CLIC5: variants seen among roughly 807,000 people sequenced by gnomAD.
CLIC5 encodes chloride intracellular channel protein 5.
A neutral mutation model predicts 24.7 loss-of-function variants in CLIC5; 20 were observed. That is an observed-to-expected ratio of 0.81 (90% CI 0.57 to 1.18). The LOEUF is 1.18. CLIC5 is among the 50% of genes most tolerant of loss of function. The probability of loss-of-function intolerance (pLI) is 0.00; values close to 1 mark genes in which losing one functional copy is unlikely to be tolerated. For synonymous variants in CLIC5, 159 were observed against 135.6 expected (o/e 1.17, Z -1.20); for missense variants, 341 against 326.1 (o/e 1.05, Z -0.35).
chr6:45,897,990 T>C (rs6458476), downstream of CLIC5, among the ~76,000 whole-genome samples: 16,666 of 151,764 alleles, frequency 0.11, 1,540 homozygotes, highest in African/African-American at 0.25. Flanking sequence ...AAAAAATTGG[T>C]TTTAGGATGG....
chr6:45,895,010 T>C (rs1462283026), downstream of CLIC5, among the ~76,000 whole-genome samples: 1 of 152,126 alleles, frequency 6.6e-6, no homozygotes. Context: ...TTCAGTTCTC[T>C]TTTTGTTAAA....
At chr6:46,057,330 C>T (rs1768286987) in intron 1 of CLIC5, among the ~76,000 whole-genome samples, 2 of 152,188 alleles carry the variant, frequency 1.3e-5, no homozygotes, top group Non-Finnish European at 2.9e-5. Context: ...TCAGGAATTT[C>T]TGCTTTTGCT....
chr6:46,005,667 G>C (rs1221351230), intron 1 of CLIC5, among the ~76,000 whole-genome samples: 1 of 152,064 alleles, frequency 6.6e-6, no homozygotes, highest in Non-Finnish European at 1.5e-5. Context: ...TCATCTCTGA[G>C]GTGTTGGCAT....
At chr6:45,992,744 C>T (rs1765986779) in intron 1 of CLIC5, among the ~76,000 whole-genome samples, 1 of 152,138 alleles carries the variant, frequency 6.6e-6, no homozygotes, top group South Asian at 2.1e-4. Context: ...CCTAATCACC[C>T]CTTATATAGA....
intron 4 of CLIC5, among the ~76,000 whole-genome samples, chr6:45,918,252 G>T (rs146100826): frequency 6.6e-6 from 1 of 152,174 alleles, no homozygotes; most frequent in African/African-American, 2.4e-5. Context: ...ATTCATTGAG[G>T]TTGATATTAC....
intron 3 of CLIC5, among the ~76,000 whole-genome samples, chr6:45,947,948 A>G (rs1037367969): frequency 1.3e-5 from 2 of 152,202 alleles, no homozygotes; most frequent in African/African-American, 4.8e-5. Flanking sequence ...GACAAAGAAT[A>G]TTTTTAAGGA....
intron 1 of CLIC5, among the ~76,000 whole-genome samples, chr6:46,003,812 C>A (rs370952754): frequency 6.6e-6 from 1 of 152,280 alleles, no homozygotes; most frequent in East Asian, 1.9e-4. Context: ...TTGGAAAATG[C>A]CCCAGGTGGT....
At chr6:46,010,940 C>T (rs1766785733) in intron 1 of CLIC5, among the ~76,000 whole-genome samples, 1 of 152,188 alleles carries the variant, frequency 6.6e-6, no homozygotes, top group African/African-American at 2.4e-5. Context: ...GGTGACCAGG[C>T]AGTCACAGTA....
At chr6:45,989,558 C>T (rs372430066) in intron 1 of CLIC5, among the ~76,000 whole-genome samples, 3 of 152,238 alleles carry the variant, frequency 2.0e-5, no homozygotes, top group East Asian at 1.9e-4. Context: ...GTACTCATGA[C>T]GTTAATAAGC....
chr6:45,916,783 T>C (rs190296490), intron 4 of CLIC5, among the ~76,000 whole-genome samples: 1 of 152,212 alleles, frequency 6.6e-6, no homozygotes, highest in African/African-American at 2.4e-5. Flanking sequence ...GGAATCATTG[T>C]TGATTCATGT....
intron 1 of CLIC5, among the ~76,000 whole-genome samples, chr6:45,963,141 T>A (rs1581797082): frequency 6.6e-6 from 1 of 152,218 alleles, no homozygotes; most frequent in East Asian, 1.9e-4. Context: ...ACTTCTGAAA[T>A]TGTTGTCTTT....
At chr6:46,099,472 T>C in the CLIC5 span, among the ~76,000 whole-genome samples, 4 of 152,196 alleles carry the variant, frequency 2.6e-5, no homozygotes, top group African/African-American at 9.7e-5. Context: ...GATGTATTTG[T>C]ACTGGAAAAA....
chr6:45,987,756 T>A (rs775526976), intron 1 of CLIC5, among the ~76,000 whole-genome samples: 16 of 152,124 alleles, frequency 1.1e-4, no homozygotes, highest in Non-Finnish European at 1.5e-4. Flanking sequence ...AGAGAGAATA[T>A]CTCTCTTCCT....
chr6:45,966,245 G>T (rs1581800518), intron 1 of CLIC5, among the ~76,000 whole-genome samples: 1 of 152,126 alleles, frequency 6.6e-6, no homozygotes, highest in South Asian at 2.1e-4. Flanking sequence ...TATGAAAAAA[G>T]TTTTTGCAAA....
intron 1 of CLIC5, among the ~76,000 whole-genome samples, chr6:46,037,617 T>A (rs1767698820): frequency 6.6e-6 from 1 of 152,188 alleles, no homozygotes; most frequent in African/African-American, 2.4e-5. Context: ...TGGGTAAAAT[T>A]TTTATGTGTT....
intron 1 of CLIC5, among the ~76,000 whole-genome samples, chr6:46,028,740 C>T (rs534195574): frequency 2.0e-5 from 3 of 152,268 alleles, no homozygotes; most frequent in Admixed American, 6.5e-5. Context: ...CACAGCCTCC[C>T]CCATTATCAA....
intron 1 of CLIC5, among the ~76,000 whole-genome samples, chr6:46,045,568 G>C (rs1767930604): frequency 6.6e-6 from 1 of 152,072 alleles, no homozygotes; most frequent in African/African-American, 2.4e-5. Flanking sequence ...CTGTCTTTTG[G>C]GGTTGTTCAT....
intron 1 of CLIC5, among the ~76,000 whole-genome samples, chr6:46,002,223 C>T (rs2127433960): frequency 6.8e-6 from 1 of 146,404 alleles, no homozygotes; most frequent in South Asian, 2.2e-4. Flanking sequence ...TTTATAGTGC[C>T]TAGTGAATAG....
intron 1 of CLIC5, among the ~76,000 whole-genome samples, chr6:45,964,949 C>T (rs1396509397): frequency 6.6e-6 from 1 of 152,176 alleles, no homozygotes; most frequent in Admixed American, 6.5e-5. Context: ...TTACTTTATA[C>T]ATTTACAGCT....
Sources: allele counts gnomAD v4.1 joint callset (sites outside exome capture counted in the v4.1 genomes callset), GRCh38; gene constraint gnomAD v4.1.1; transcripts MANE v1.5; gene names NCBI Gene and HGNC (gene_info 2026-07-23, HGNC 2026-07-21).